TRIO: variants seen among roughly 807,000 people sequenced by gnomAD.
The protein encoded by TRIO is trio Rho guanine nucleotide exchange factor.
In TRIO, 58 loss-of-function variants were observed where a neutral mutation model predicts 351.9. That is an observed-to-expected ratio of 0.16 (90% CI 0.13 to 0.21). TRIO has a LOEUF of 0.21. Among genes scored for constraint, TRIO ranks in the 10% least tolerant of loss-of-function variants. The pLI is 1.00. For synonymous variants in TRIO, 1,758 were observed against 1,595.7 expected (o/e 1.10, Z -2.42); for missense variants, 3,201 against 4,027.8 (o/e 0.79, Z 5.56).
At chr5:14,279,433 G>A (rs766590993) in intron 2 of TRIO, among the ~76,000 whole-genome samples, 3 of 151,984 alleles carry the variant, frequency 2.0e-5, no homozygotes, top group Non-Finnish European at 2.9e-5. Flanking sequence ...GAAGAGTTTT[G>A]TATTGTGACT....
intron 21 of TRIO, among the ~76,000 whole-genome samples, chr5:14,386,444 G>A (rs1746550219): frequency 6.6e-6 from 1 of 152,020 alleles, no homozygotes; most frequent in Non-Finnish European, 1.5e-5. Flanking sequence ...TACAAGCTAA[G>A]ATCATTTATC....
intron 34 of TRIO, among the ~76,000 whole-genome samples, chr5:14,452,093 G>A (rs1752886186): frequency 6.6e-6 from 1 of 152,222 alleles, no homozygotes; most frequent in South Asian, 2.1e-4. Flanking sequence ...ATGTGTGCAT[G>A]TTTGGCTGAC....
At chr5:14,492,878 G>A in intron 49 of TRIO, 64 bp downstream of exon 49, 2 of 1,587,818 alleles carry the variant, frequency 1.3e-6, no homozygotes, top group Non-Finnish European at 1.7e-6. Context: ...GCACCCGTGA[G>A]GCACACGACC....
chr5:14,502,699 G>T (rs60886761), intron 54 of TRIO, 42 bp downstream of exon 54: 4 of 1,588,566 alleles, frequency 2.5e-6, no homozygotes, highest in South Asian at 2.2e-5. Flanking sequence ...AGAGCAGAGC[G>T]TGGGGAAGAC....
In TRIO at chr5:14,497,854, A is replaced by C. The variant is rs150431198; in HGVS notation, c.8027A>C (p.Asn2676Thr). ...TTGCTGTTTCCATTTCAGCTTCTCA[A>C]TCCCAACTACATTTATGACGGTGAG... ...LSNKVSVKLL[N>T]PNYIYDVPPE... Residue 2676 changes from asparagine (N) to threonine (T), a missense_variant, in exon 51 of 57, where the codon AAT (asparagine) becomes ACT (threonine). Asn to Thr is a moderately conservative substitution (Grantham distance 65, BLOSUM62 0). Coordinates refer to ENST00000344204, the MANE Select transcript of TRIO (RefSeq NM_007118.4). This position sits in a 1 kb window ranked among gnomAD's most constrained non-coding sequence, Gnocchi z 4.4. 6.2e-7 allele frequency: 1 copy of C among 1,614,164 alleles called. No individual in the cohort carries two copies. Among genetic ancestry groups the C allele is most frequent in the East Asian group, 2.2e-5 (1 of 44,880 alleles).
chr5:14,453,491 T>A (rs550733633), intron 34 of TRIO, among the ~76,000 whole-genome samples: 1 of 152,358 alleles, frequency 6.6e-6, no homozygotes, highest in East Asian at 1.9e-4. Context: ...TACAATGTAG[T>A]GAGTTCTGTG....
At chr5:14,423,136 T>G (rs572510999) in intron 34 of TRIO, among the ~76,000 whole-genome samples, 26 of 152,330 alleles carry the variant, frequency 1.7e-4, no homozygotes, top group Non-Finnish European at 2.8e-4. Flanking sequence ...ATAGCAGGAT[T>G]GAATAAGGGT....
chr5:14,509,580 A>C lies in TRIO; in HGVS notation c.*1158A>C. The C allele has an allele frequency of 3.3e-6, 1 of 303,234 alleles. No homozygotes were observed. The highest frequency in any genetic ancestry group is 2.5e-5 in the South Asian group (1 of 40,038). 18.8% of individuals were successfully genotyped at this position (303,234 alleles called of 1,614,324 possible). On this transcript the variant is annotated 3_prime_UTR_variant, in exon 57 of 57. Coordinates refer to ENST00000344204, the MANE Select transcript of TRIO (RefSeq NM_007118.4). ...ATGCCAAAGTATTATTTTTTTTCCC[A>C]AAATCAGTCTGGACATTTACTACTT...
At chr5:14,300,673 T>TG in intron 7 of TRIO, among the ~76,000 whole-genome samples, 1 of 152,170 alleles carries the variant, frequency 6.6e-6, no homozygotes, top group Non-Finnish European at 1.5e-5. Context: ...TAAATCAGCC[T>TG]GGTGGAGCAG....
chr5:14,480,116 G>C, intron 43 of TRIO, 105 bp downstream of exon 43: 2 of 991,166 alleles, frequency 2.0e-6, no homozygotes, highest in Non-Finnish European at 3.1e-6. Flanking sequence ...AATCATCTGT[G>C]TAACAGGTAT....
chr5:14,285,995 C>T (rs1421400963), intron 3 of TRIO, among the ~76,000 whole-genome samples: 2 of 152,122 alleles, frequency 1.3e-5, no homozygotes, highest in African/African-American at 4.8e-5. Context: ...TTAAGGACAC[C>T]TTAACTCTTG....
chr5:14,143,788 C>T lies in TRIO; in HGVS notation c.63C>T (p.Ala21=). Residue 21 remains alanine (A), a synonymous_variant, in exon 1 of 57, where the codon GCC becomes GCT. Transcript: ENST00000344204. ...CGTCCTCCGGCCCCGCCGCGGCGGC[C>T]AGCGCGGCTGGCTCGGGCTGCGGGG... The part of the protein sequence containing the change: ...PAASSGPAAA[A]SAAGSGCGGG... The T allele has an allele frequency of 9.7e-7, 1 of 1,032,970 alleles. No homozygotes were observed. Among genetic ancestry groups the T allele is most frequent in the South Asian group, 4.4e-5 (1 of 22,478 alleles). The allele number at this position is 1,032,970 out of a possible 1,614,324, so 64.0% of individuals were successfully genotyped here.
chr5:14,292,913 G>A, intron 5 of TRIO, 99 bp from the exon 6 acceptor site: 1 of 1,541,042 alleles, frequency 6.5e-7, no homozygotes, highest in Non-Finnish European at 8.8e-7. Flanking sequence ...GTTGTCCAGG[G>A]AAGGAAGTTG....
chr5:14,506,466 A>T (rs995766379), intron 55 of TRIO, among the ~76,000 whole-genome samples: 11 of 152,126 alleles, frequency 7.2e-5, no homozygotes, highest in African/African-American at 2.4e-4. Context: ...GAGCTGTGGG[A>T]CCTTGGGAAC....
intron 1 of TRIO, among the ~76,000 whole-genome samples, chr5:14,232,546 A>G (rs1793507741): frequency 6.6e-6 from 1 of 152,212 alleles, no homozygotes; most frequent in Non-Finnish European, 1.5e-5. Flanking sequence ...GTCTGGCATC[A>G]TTGCTGCACA....
At chr5:14,244,958 C>T (rs369956318) in intron 1 of TRIO, among the ~76,000 whole-genome samples, 10 of 152,206 alleles carry the variant, frequency 6.6e-5, no homozygotes, top group African/African-American at 2.4e-4. Context: ...GAGTCTGAGA[C>T]AGGCCCAGGG....
chr5:14,244,686 G>A (rs767227849), intron 1 of TRIO, among the ~76,000 whole-genome samples: 8 of 152,240 alleles, frequency 5.3e-5, no homozygotes, highest in Non-Finnish European at 8.8e-5. Context: ...ATGGGACCAT[G>A]TTTGACTCCT....
At chr5:14,245,733 CG>C (rs1419208831) in intron 1 of TRIO, among the ~76,000 whole-genome samples, 1 of 152,188 alleles carries the variant, frequency 6.6e-6, no homozygotes, top group Non-Finnish European at 1.5e-5. Flanking sequence ...GAGAAGAACA[CG>C]GGGCAAATGA....
chr5:14,344,079 A>G (rs546726947), intron 11 of TRIO, among the ~76,000 whole-genome samples: 4 of 152,236 alleles, frequency 2.6e-5, no homozygotes, highest in Non-Finnish European at 5.9e-5. Flanking sequence ...AATTCTCTCT[A>G]TATGCTTTTA....
Sources: gnomAD v4.1 joint callset for allele counts (sites outside exome capture counted in the v4.1 genomes callset) on GRCh38, gnomAD v4.1.1 for gene constraint, Gnocchi (gnomAD v3.1) non-coding constraint, MANE v1.5 for transcripts, NCBI Gene and HGNC (gene_info 2026-07-23, HGNC 2026-07-21) for gene names.